Variants in WWTR1 observed in about 807,000 individuals in gnomAD.
WWTR1 encodes WW domain containing transcription regulator 1, also known as WW domain-containing transcription regulator protein 1.
In WWTR1, 13 loss-of-function variants were observed where a neutral mutation model predicts 40.1. The ratio of observed to expected loss-of-function variants is 0.32; its 90% CI spans 0.21 to 0.52. WWTR1 has a LOEUF of 0.52. Among genes scored for constraint, WWTR1 ranks in the 20% least tolerant of loss-of-function variants. WWTR1 has a pLI of 0.97. For missense variants in WWTR1, 436 were observed against 523.1 expected, an observed-to-expected ratio of 0.83 and a Z score of 1.63; for synonymous variants, 230 against 210.1, an observed-to-expected ratio of 1.09 and a Z score of -0.82.
At chr3:149,665,218 C>T (rs771193857) in intron 2 of WWTR1, among the ~76,000 whole-genome samples, 3 of 132,678 alleles carry the variant, frequency 2.3e-5, no homozygotes, top group African/African-American at 2.9e-5. Flanking sequence ...TTAGAAATTT[C>T]CTTTCTTTCT....
chr3:149,582,165 C>T lies in WWTR1; in HGVS notation c.432-9165G>A, dbSNP rs554533612. On this transcript the variant is annotated intron_variant, in intron 2 of 6. Transcript: ENST00000360632. ...TTCAGTCACTGTGTTAGAGACACCC[C>T]GTCATATGCTGCACGCACCCCAACA... Among the ~76,000 whole-genome samples, 7 of 152,114 alleles carry T rather than the reference C, an allele frequency of 4.6e-5. No individual in the cohort carries two copies. The South Asian group carries it at 1.2e-3, about 27-fold the overall frequency.
intron 2 of WWTR1, among the ~76,000 whole-genome samples, chr3:149,601,710 A>ATTTT (rs3976504): frequency 6.6e-6 from 1 of 150,662 alleles, no homozygotes; most frequent in East Asian, 1.9e-4. Flanking sequence ...GAAAAAAATT[A>ATTTT]TTTTTTTTTT....
intron 2 of WWTR1, among the ~76,000 whole-genome samples, chr3:149,628,054 C>G (rs1740658082): frequency 7.7e-6 from 1 of 129,342 alleles, no homozygotes; most frequent in African/African-American, 3.0e-5. Flanking sequence ...GCCTGGGCAA[C>G]AAGAGCGAAA....
At chr3:149,710,585 T>TCC (rs1715455584) in intron 5 of WWTR1, among the ~76,000 whole-genome samples, 3 of 47,778 alleles carry the variant, frequency 6.3e-5, no homozygotes, top group African/African-American at 3.0e-4. Context: ...CCCCCCCCTT[T>TCC]TTTTTTTTTT....
chr3:149,550,653 G>A (rs1455869182), intron 3 of WWTR1, among the ~76,000 whole-genome samples: 1 of 152,232 alleles, frequency 6.6e-6, no homozygotes, highest in Non-Finnish European at 1.5e-5. Flanking sequence ...GACAGGGAAT[G>A]TTGAACAAAG....
At chr3:149,654,966 A>T (rs931929579) in intron 2 of WWTR1, among the ~76,000 whole-genome samples, 1 of 151,430 alleles carries the variant, frequency 6.6e-6, no homozygotes, top group Non-Finnish European at 1.5e-5. Flanking sequence ...TACTAAAAAA[A>T]ATACAAAAAA....
intron 1 of WWTR1, among the ~76,000 whole-genome samples, chr3:149,676,999 G>C (rs6440632): frequency 0.41 from 62,107 of 150,430 alleles, 12,841 homozygotes; most frequent in Middle Eastern, 0.57. Flanking sequence ...TCACTGCAAC[G>C]TCTGCCTCCC....
At chr3:149,696,619 C>A (rs1218507534) in intron 1 of WWTR1, among the ~76,000 whole-genome samples, 2 of 152,218 alleles carry the variant, frequency 1.3e-5, no homozygotes, top group Non-Finnish European at 2.9e-5. Context: ...AATCTATTCT[C>A]ATGATCATTG....
chr3:149,709,911 G>T (rs1280422266), intron 5 of WWTR1, among the ~76,000 whole-genome samples: 3 of 151,918 alleles, frequency 2.0e-5, no homozygotes, highest in African/African-American at 4.8e-5. Flanking sequence ...TCTCAAAAAA[G>T]AAAAGAAAAG....
chr3:149,675,943 G>C (rs1714244328), intron 1 of WWTR1, among the ~76,000 whole-genome samples: 1 of 152,064 alleles, frequency 6.6e-6, no homozygotes, highest in African/African-American at 2.4e-5. Context: ...CTGACCTCGT[G>C]ATCGGCCCGT....
intron 2 of WWTR1, among the ~76,000 whole-genome samples, chr3:149,637,596 G>T (rs1711909193): frequency 6.6e-6 from 1 of 152,058 alleles, no homozygotes; most frequent in African/African-American, 2.4e-5. Context: ...AGGCATGAAG[G>T]ACAATACAAC....
chr3:149,604,352 G>A (rs1041846134), intron 2 of WWTR1, among the ~76,000 whole-genome samples: 2 of 152,144 alleles, frequency 1.3e-5, no homozygotes, highest in African/African-American at 2.4e-5. Flanking sequence ...AGGACTTTAA[G>A]GGCACATGAC....
Position 149,519,524 on chromosome 3 carries a change from T to G in WWTR1, c.*1281A>C, listed in dbSNP as rs1734942941. The G allele has an allele frequency of 6.6e-6, 1 of 152,220 alleles. No individual in the cohort carries two copies. Among genetic ancestry groups the G allele is most frequent in the African/African-American group, 2.4e-5 (1 of 41,464 alleles). 9.4% of individuals were successfully genotyped at this position (152,220 alleles called of 1,614,324 possible). A position where few individuals can be genotyped will look rare whatever the true frequency, so the allele number is the denominator to read the frequency against. On this transcript the variant is annotated 3_prime_UTR_variant, in exon 7 of 7. Transcript: ENST00000360632. ...CACTGTGTGTGGTGTGCTATCAGGT[T>G]GAAATCTATGTTGTCCTGATGTTTT...
chr3:149,605,616 G>A (rs2108058011), intron 2 of WWTR1, among the ~76,000 whole-genome samples: 1 of 152,234 alleles, frequency 6.6e-6, no homozygotes. Flanking sequence ...GTGTTTAATG[G>A]GCAAAAGAAT....
chr3:149,552,101 A>G (rs954062298), intron 3 of WWTR1, among the ~76,000 whole-genome samples: 2 of 145,578 alleles, frequency 1.4e-5, no homozygotes, highest in Admixed American at 6.9e-5. Context: ...GTTGAGCCAT[A>G]CATCTGAAGT....
At chr3:149,521,179 A>G (rs1735028324) in intron 6 of WWTR1, among the ~76,000 whole-genome samples, 190 bp from the exon 7 acceptor site, 1 of 152,210 alleles carries the variant, frequency 6.6e-6, no homozygotes, top group African/African-American at 2.4e-5. Flanking sequence ...CCAGAATGGA[A>G]AAGGCCAAGG....
rs1029985032 is a variant in WWTR1 at position 149,519,676 on chromosome 3, T to C, written c.*1129A>G. 6.6e-6 allele frequency: 1 copy of C among 152,260 alleles called. No individual in the cohort carries two copies. The highest frequency in any genetic ancestry group is 6.5e-5 in the Admixed American group (1 of 15,286). 9.4% of individuals were successfully genotyped at this position (152,260 alleles called of 1,614,324 possible). A position where few individuals can be genotyped will look rare whatever the true frequency, so the allele number is the denominator to read the frequency against. On this transcript the variant is annotated 3_prime_UTR_variant, in exon 7 of 7. Transcript: ENST00000360632. ...AAACATCAAGGCCGGGTGCGGTGGCTCACGCCAGTAATCCCAGCACTTTGG... is the reference window on the plus strand; with the variant it reads ...AAACATCAAGGCCGGGTGCGGTGGCCCACGCCAGTAATCCCAGCACTTTGG...
chr3:149,520,849 CT>C lies in WWTR1; in HGVS notation c.1158del (p.Glu387SerfsTer4). 1 of 1,612,998 alleles carries C rather than the reference CT, an allele frequency of 6.2e-7. No individual in the cohort carries two copies. The highest frequency in any genetic ancestry group is 8.5e-7 in the Non-Finnish European group (1 of 1,179,646). ...SEDLIPLFND[V>X]ESALNKSEPF... ...GGCTCACTTTTGTTCAGAGCAGACT[CT>C]ACATCATTGAAGAGGGGGATCAGGT... On this transcript the variant is annotated frameshift_variant, in exon 7 of 7. Coordinates refer to ENST00000360632, the MANE Select transcript of WWTR1 (RefSeq NM_015472.6). LOFTEE classifies it high-confidence loss of function.
intron 2 of WWTR1, among the ~76,000 whole-genome samples, chr3:149,639,980 C>A (rs1198977672): frequency 8.3e-6 from 1 of 121,098 alleles, no homozygotes; most frequent in Non-Finnish European, 1.6e-5. Flanking sequence ...GGCTACACAG[C>A]GAGACTCCGT....
Sources: allele counts gnomAD v4.1 joint callset (sites outside exome capture counted in the v4.1 genomes callset), GRCh38; gene constraint gnomAD v4.1.1; transcripts MANE v1.5; gene names NCBI Gene and HGNC (gene_info 2026-07-23, HGNC 2026-07-21).